ADAP1: variants seen among roughly 807,000 people sequenced by gnomAD.
ADAP1 encodes arf-GAP with dual PH domain-containing protein 1.
Under a neutral mutation model 54.9 loss-of-function variants are expected in ADAP1, and 31 were observed. The observed-to-expected ratio is 0.56, with a 90% CI of 0.42 to 0.76. The LOEUF is 0.76. Ranked by LOEUF, ADAP1 falls within the 30% of genes least tolerant of loss-of-function variation. The pLI is 0.00. For synonymous variants in ADAP1, 313 were observed against 202.6 expected, an observed-to-expected ratio of 1.55 and a Z score of -4.63; for missense variants, 535 against 512.4, an observed-to-expected ratio of 1.04 and a Z score of -0.42.
rs781734606 is a variant in ADAP1, at chr7:928,241, C to T, written c.214-1597G>A. On this transcript the variant is annotated intron_variant, in intron 2 of 10. Coordinates refer to ENST00000265846, the MANE Select transcript of ADAP1 (RefSeq NM_006869.4). ...TCTCCACTGGACACAGCGGCTCACA[C>T]CTGTAATCCCAGCACTTTGGGAGGC... 1.6e-4 allele frequency among the ~76,000 whole-genome samples: 24 copies of T among 149,720 alleles called. 1 individual carries two copies. The highest frequency in any genetic ancestry group is 1.3e-4 in the Non-Finnish European group (9 of 67,382).
chr7:911,663 G>A (rs1845729137), intron 4 of ADAP1, among the ~76,000 whole-genome samples: 1 of 574 alleles, frequency 1.7e-3, no homozygotes, highest in Admixed American at 4.9e-3. Flanking sequence ...AAGGGGGCGG[G>A]GGTCCCACGG....
chr7:942,914 A>G (rs1273804805), intron 1 of ADAP1, among the ~76,000 whole-genome samples: 1 of 9,470 alleles, frequency 1.1e-4, no homozygotes, highest in Non-Finnish European at 1.7e-4. Context: ...AGGAAGGGAG[A>G]GAGGAGGAGG....
At chr7:918,218 G>A (rs1055447137) in intron 4 of ADAP1, among the ~76,000 whole-genome samples, 5 of 152,028 alleles carry the variant, frequency 3.3e-5, no homozygotes, top group South Asian at 4.2e-4. Flanking sequence ...CACCGTGCCC[G>A]ACCCTTTTTT....
At chr7:904,946 G>C (rs879871541) in intron 5 of ADAP1, 114 bp downstream of exon 5, 59 of 888,050 alleles carry the variant, frequency 6.6e-5, no homozygotes, top group Admixed American at 6.1e-4. Flanking sequence ...TCCCCATCGG[G>C]GGGGGCAGCA....
intron 1 of ADAP1, among the ~76,000 whole-genome samples, chr7:950,088 A>G (rs1472680521): frequency 6.6e-6 from 1 of 152,216 alleles, no homozygotes; most frequent in Non-Finnish European, 1.5e-5. Flanking sequence ...TGGTTCATCC[A>G]CACAGGGTAT....
At chr7:905,365 G>GAGAAAGGAGAAAGGA (rs71020536) in intron 4 of ADAP1, 193 bp from the exon 5 acceptor site, 5 of 131,600 alleles carry the variant, frequency 3.8e-5, no homozygotes, top group South Asian at 2.5e-4. Context: ...GCAGGGAAAG[G>GAGAAAGGAGAAAGGA]GAAAGGGAAA....
intron 2 of ADAP1, chr7:927,223 C>G: frequency 7.9e-7 from 1 of 1,271,468 alleles, no homozygotes; most frequent in Non-Finnish European, 1.0e-6. Flanking sequence ...GAAACGGCGC[C>G]GTGAAGGAGG....
At chr7:927,390 C>A in intron 2 of ADAP1, 1 of 539,888 alleles carries the variant, frequency 1.9e-6, no homozygotes, top group Non-Finnish European at 3.3e-6. Flanking sequence ...CAGGAGGGGC[C>A]GCCACACCCC....
intron 6 of ADAP1, 85 bp downstream of exon 6, chr7:904,041 T>C (rs1562909131): frequency 3.8e-6 from 6 of 1,578,168 alleles, no homozygotes. Flanking sequence ...TCCCGTACCG[T>C]CCAAGCACCC....
In ADAP1 at chr7:938,713, G is replaced by A. The variant is rs1300323096; in HGVS notation, c.83-3208C>T. ...ATGGGACAGCACGAGCCACTTACAG[G>A]GGTAGCAGGCAACATGAGCCCAGCT... On this transcript the variant is annotated intron_variant, in intron 1 of 10. Coordinates refer to ENST00000265846, the MANE Select transcript of ADAP1 (RefSeq NM_006869.4). This position sits in a 1 kb window ranked among gnomAD's most constrained non-coding sequence, Gnocchi z 4.4. 6.6e-6 allele frequency among the ~76,000 whole-genome samples: 1 copy of A among 152,222 alleles called. No individual in the cohort carries two copies. The highest frequency in any genetic ancestry group is 2.4e-5 in the African/African-American group (1 of 41,456).
In ADAP1 at chr7:898,150, A is replaced by C. The variant is rs539694409; in HGVS notation, c.*771T>G. On this transcript the variant is annotated 3_prime_UTR_variant, in exon 11 of 11. Coordinates refer to ENST00000265846, the MANE Select transcript of ADAP1 (RefSeq NM_006869.4). The stretch of plus-strand genomic sequence containing the variant: ...ACAGGAAGGAGATAGGTGAAAAATA[A>C]ATACACGGCTGGGCCGCCTGCAGCA... 7.2e-5 allele frequency: 11 copies of C among 152,442 alleles called. No homozygotes were observed. Among genetic ancestry groups the C allele is most frequent in the Middle Eastern group, 3.4e-3 (1 of 294 alleles). 9.4% of individuals were successfully genotyped at this position (152,442 alleles called of 1,614,324 possible).
At chr7:923,396 C>T (rs1216474791) in intron 3 of ADAP1, 1 of 151,908 alleles carries the variant, frequency 6.6e-6, no homozygotes, top group Non-Finnish European at 1.5e-5. Context: ...CCTCACCACA[C>T]AGGAAGCAGG....
At position 899,157 on chromosome 7, in the gene ADAP1, G is replaced by A. The variant is rs201989454; in HGVS notation, c.972C>T (p.Gly324=). Residue 324 remains glycine (G), a synonymous_variant, in exon 10 of 11, where the codon GGC becomes GGT. Transcript: ENST00000265846. ...TGCGGTCGGGCGTGACGATGGTGAT[G>A]CCATGTGGCCAGTGGTGGCCCTGGG... ...PSTQGHHWPH[G]ITIVTPDRKF... The A allele has an allele frequency of 8.9e-5, 144 of 1,611,600 alleles. 2 individuals are homozygous for A. The East Asian group carries it at 2.0e-3, about 23-fold the overall frequency.
chr7:953,248 G>A (rs1302119189), intron 1 of ADAP1, among the ~76,000 whole-genome samples: 1 of 152,204 alleles, frequency 6.6e-6, no homozygotes, highest in Non-Finnish European at 1.5e-5. Context: ...ACCATGGAAA[G>A]GCCGTGGGTC....
intron 4 of ADAP1, among the ~76,000 whole-genome samples, chr7:912,498 G>A (rs891210271): frequency 6.6e-6 from 1 of 152,162 alleles, no homozygotes; most frequent in Non-Finnish European, 1.5e-5. Flanking sequence ...CAGAGGGTGG[G>A]GGAGCCCTGC....
At chr7:905,312 C>CACA (rs1554271646) in intron 4 of ADAP1, 140 bp from the exon 5 acceptor site, 2 of 255,932 alleles carry the variant, frequency 7.8e-6, no homozygotes, top group Non-Finnish European at 1.3e-5. Context: ...GGGAGACGGA[C>CACA]GGGGAGAGGG....
At chr7:923,616 G>A (rs1238684017) in intron 3 of ADAP1, among the ~76,000 whole-genome samples, 2 of 152,084 alleles carry the variant, frequency 1.3e-5, no homozygotes, top group Non-Finnish European at 2.9e-5. Flanking sequence ...TCTTATAGCT[G>A]GGCAAACTGA....
chr7:923,568 C>G (rs538704398), intron 3 of ADAP1, among the ~76,000 whole-genome samples: 1 of 152,112 alleles, frequency 6.6e-6, no homozygotes, highest in East Asian at 1.9e-4. Context: ...AGAGGGCACA[C>G]GAGACCCTCT....
chr7:915,405 C>A (rs1845893843), intron 4 of ADAP1, among the ~76,000 whole-genome samples: 1 of 152,240 alleles, frequency 6.6e-6, no homozygotes, highest in South Asian at 2.1e-4. Flanking sequence ...AGATCATGAG[C>A]CTGGTGCTGC....
Sources: allele counts gnomAD v4.1 joint callset (sites outside exome capture counted in the v4.1 genomes callset), GRCh38; gene constraint gnomAD v4.1.1; non-coding constraint Gnocchi (gnomAD v3.1); transcripts MANE v1.5; gene names NCBI Gene and HGNC (gene_info 2026-07-23, HGNC 2026-07-21).